The following FRMD4A variants were observed in gnomAD, a reference collection of about 807,000 sequenced individuals.
The protein encoded by FRMD4A is FERM domain-containing protein 4A.
Under a neutral mutation model 129.1 loss-of-function variants are expected in FRMD4A, and 29 were observed. The observed-to-expected ratio is 0.22, with a 90% CI of 0.17 to 0.31. The LOEUF is 0.31. Ranked by LOEUF, FRMD4A falls within the 10% of genes least tolerant of loss-of-function variation. The pLI, the probability that FRMD4A is intolerant of heterozygous loss-of-function variation, is 1.00. For synonymous variants in FRMD4A, 634 were observed against 571.6 expected, an observed-to-expected ratio of 1.11 and a Z score of -1.56; for missense variants, 1,272 against 1,375.8, an observed-to-expected ratio of 0.92 and a Z score of 1.19.
At chr10:13,799,722 T>G (rs1167363565) in intron 4 of FRMD4A, among the ~76,000 whole-genome samples, 3 of 152,100 alleles carry the variant, frequency 2.0e-5, no homozygotes, top group Non-Finnish European at 1.5e-5. Flanking sequence ...CATCCCTTTA[T>G]CTGAATGTTT....
At chr10:13,906,498 G>GT (rs2094883510) in intron 2 of FRMD4A, among the ~76,000 whole-genome samples, 1 of 152,142 alleles carries the variant, frequency 6.6e-6, no homozygotes, top group South Asian at 2.1e-4. Context: ...TAAAGAGGGA[G>GT]TTTTTGGCAC....
chr10:13,684,376 C>T (rs1390813277), intron 15 of FRMD4A: 16 of 984,924 alleles, frequency 1.6e-5, no homozygotes, highest in Non-Finnish European at 1.7e-5. Context: ...GTGAACTTCC[C>T]GATGCTATGA....
chr10:13,743,685 C>T (rs1213653289), intron 9 of FRMD4A, among the ~76,000 whole-genome samples: 1 of 152,172 alleles, frequency 6.6e-6, no homozygotes, highest in Non-Finnish European at 1.5e-5. Flanking sequence ...GTAACTCCTG[C>T]TCTCTGAGGC....
At chr10:13,734,130 C>G (rs1286004550) in intron 12 of FRMD4A, among the ~76,000 whole-genome samples, 1 of 152,168 alleles carries the variant, frequency 6.6e-6, no homozygotes, top group Non-Finnish European at 1.5e-5. Flanking sequence ...GGGAGTCATT[C>G]TGCATTGCCC....
chr10:14,031,607 A>G (rs1833249314), intron 2 of FRMD4A, among the ~76,000 whole-genome samples: 1 of 152,158 alleles, frequency 6.6e-6, no homozygotes, highest in South Asian at 2.1e-4. Context: ...GACACACAGG[A>G]TTTAAAGATT....
At chr10:14,099,336 C>T (rs1198416092) in intron 2 of FRMD4A, among the ~76,000 whole-genome samples, 1 of 147,418 alleles carries the variant, frequency 6.8e-6, no homozygotes, top group Admixed American at 6.6e-5. Flanking sequence ...AGATGAGAGA[C>T]AGAAGAGAAA....
chr10:14,289,502 T>G (rs1425590312), intron 2 of FRMD4A, among the ~76,000 whole-genome samples: 1 of 152,176 alleles, frequency 6.6e-6, no homozygotes, highest in Non-Finnish European at 1.5e-5. Flanking sequence ...AATTCAGTTG[T>G]AGGAGTTCCT....
chr10:14,076,260 G>C lies in FRMD4A; in HGVS notation c.46-217348C>G, dbSNP rs147780487. On this transcript the variant is annotated intron_variant, in intron 2 of 24. Transcript: ENST00000357447. ...AAAGACTTGGGATTTTTCCAGCATG[G>C]TGAAAGATGAAAATGTGCTTGGGTT... Among the ~76,000 whole-genome samples the C allele has an allele frequency of 9.2e-3, 1,402 of 152,248 alleles. 15 individuals are homozygous for C. Among genetic ancestry groups the C allele is most frequent in the Non-Finnish European group, 0.012 (835 of 68,014 alleles).
chr10:13,826,470 C>T (rs897330801), intron 3 of FRMD4A, among the ~76,000 whole-genome samples: 31 of 152,286 alleles, frequency 2.0e-4, no homozygotes, highest in African/African-American at 7.5e-4. Flanking sequence ...CCTGTCTCTG[C>T]CTATTGGTTC....
intron 2 of FRMD4A, among the ~76,000 whole-genome samples, chr10:14,058,364 C>T (rs950274995): frequency 6.6e-6 from 1 of 152,140 alleles, no homozygotes; most frequent in African/African-American, 2.4e-5. Context: ...ATATTCATTT[C>T]TCATCCTAGA....
At chr10:14,186,186 C>T (rs185382702) in intron 2 of FRMD4A, among the ~76,000 whole-genome samples, 1 of 152,040 alleles carries the variant, frequency 6.6e-6, no homozygotes, top group East Asian at 1.9e-4. Flanking sequence ...GCTAAAACTC[C>T]CTCCTCTTAT....
chr10:14,013,994 G>A (rs1052644523), intron 2 of FRMD4A, among the ~76,000 whole-genome samples: 1 of 152,214 alleles, frequency 6.6e-6, no homozygotes, highest in Non-Finnish European at 1.5e-5. Flanking sequence ...GCTCAGGCAT[G>A]AAAGCTCCCT....
intron 2 of FRMD4A, among the ~76,000 whole-genome samples, chr10:14,222,336 G>A (rs561238018): frequency 3.0e-4 from 45 of 152,336 alleles, no homozygotes; most frequent in Admixed American, 4.6e-4. Context: ...AGCTTTGAAC[G>A]TGGAAGTAGA....
intron 16 of FRMD4A, 58 bp downstream of exon 16, chr10:13,674,853 A>G: frequency 1.9e-6 from 3 of 1,547,982 alleles, no homozygotes; most frequent in Non-Finnish European, 2.7e-6. Flanking sequence ...GACATCAGAA[A>G]GATCAGTGAC....
At chr10:14,073,127 A>T (rs531656583) in intron 2 of FRMD4A, among the ~76,000 whole-genome samples, 5 of 152,348 alleles carry the variant, frequency 3.3e-5, no homozygotes, top group African/African-American at 1.2e-4. Flanking sequence ...CAGGAAACCC[A>T]GGGTACCTCC....
intron 2 of FRMD4A, among the ~76,000 whole-genome samples, chr10:14,080,525 T>G (rs997281407): frequency 2.0e-5 from 3 of 152,012 alleles, no homozygotes; most frequent in Admixed American, 1.3e-4. Context: ...CCTCAGGCCA[T>G]GTGAGTGCTC....
chr10:13,750,069 G>GAAAGAAAGAAAGAAAGAAAGA lies in FRMD4A; in HGVS notation c.465-2251_465-2250insTCTTTCTTTCTTTCTTTCTTT, dbSNP rs2091502310. On this transcript the variant is annotated intron_variant, in intron 8 of 24. Coordinates refer to ENST00000357447, the MANE Select transcript of FRMD4A (RefSeq NM_018027.5). ...GAAAGGAAGGAAGGAAGGAAGGAAG[G>GAAAGAAAGAAAGAAAGAAAGA]AAGAAAGAAAGAAAGAAAGAAAGAA... is the stretch of plus-strand genomic sequence containing the variant. Among the ~76,000 whole-genome samples the GAAAGAAAGAAAGAAAGAAAGA allele has an allele frequency of 4.5e-4, 25 of 55,648 alleles. 2 individuals carry two copies. The highest frequency in any genetic ancestry group is 1.4e-3 in the African/African-American group (23 of 15,888). 36.5% of individuals were successfully genotyped at this position (55,648 alleles called of 152,430 possible).
At chr10:14,224,894 G>T (rs4750494) in intron 2 of FRMD4A, among the ~76,000 whole-genome samples, 73,989 of 151,890 alleles carry the variant, frequency 0.49, 17,990 homozygotes, top group Middle Eastern at 0.58. Flanking sequence ...AGCCGTTATT[G>T]ACCTACTTAA....
At chr10:13,949,311 AAAAAAAAG>A (rs1167934801) in intron 2 of FRMD4A, among the ~76,000 whole-genome samples, 1 of 151,376 alleles carries the variant, frequency 6.6e-6, no homozygotes, top group Non-Finnish European at 1.5e-5. Flanking sequence ...CAAAAAAAAA[AAAAAAAAG>A]AAAGAAAGAA....
Sources: gnomAD v4.1 joint callset for allele counts (sites outside exome capture counted in the v4.1 genomes callset) on GRCh38, gnomAD v4.1.1 for gene constraint, MANE v1.5 for transcripts, NCBI Gene and HGNC (gene_info 2026-07-23, HGNC 2026-07-21) for gene names.